Variants in SCAF8 observed in about 807,000 individuals in gnomAD.
The protein encoded by SCAF8 is SR-related and CTD-associated factor 8.
In SCAF8, 23 loss-of-function variants were observed where a neutral mutation model predicts 140.5. The observed-to-expected ratio is 0.16, with a 90% CI of 0.12 to 0.23. The LOEUF is 0.23. Among genes scored for constraint, SCAF8 ranks in the 10% least tolerant of loss-of-function variants. SCAF8 has a pLI of 1.00. For synonymous variants in SCAF8, 575 were observed against 528.9 expected, an observed-to-expected ratio of 1.09 and a Z score of -1.20; for missense variants, 1,397 against 1,555.7, an observed-to-expected ratio of 0.90 and a Z score of 1.72.
chr6:154,795,924 G>C (rs1001503164), intron 6 of SCAF8, among the ~76,000 whole-genome samples: 5 of 152,086 alleles, frequency 3.3e-5, no homozygotes, highest in African/African-American at 1.2e-4. Context: ...AAATTTCTTA[G>C]ATTTATTTCC....
chr6:154,733,724 G>A lies in SCAF8; in HGVS notation c.-177G>A. The A allele has an allele frequency of 1.5e-6, 2 of 1,324,764 alleles. No homozygotes were observed. Among genetic ancestry groups the A allele is most frequent in the South Asian group, 4.0e-5 (2 of 49,458 alleles). The allele number at this position is 1,324,764 out of a possible 1,614,324, so 82.1% of individuals were successfully genotyped here. On this transcript the variant is annotated 5_prime_UTR_variant, in exon 1 of 20. Transcript: ENST00000367178. ...CATGCCGGTGCCGCTCTGCCGCTGA[G>A]GGAGCCCTTCCCCGCCAGCGCGTGC...
chr6:154,761,040 G>A (rs976461329), intron 1 of SCAF8, among the ~76,000 whole-genome samples: 8 of 151,944 alleles, frequency 5.3e-5, no homozygotes, highest in Non-Finnish European at 7.4e-5. Context: ...GGCCTCAAGC[G>A]ATCCTCTCAC....
chr6:154,783,600 G>C (rs767446888), intron 3 of SCAF8, among the ~76,000 whole-genome samples: 32 of 152,306 alleles, frequency 2.1e-4, no homozygotes, highest in Admixed American at 1.3e-3. Context: ...ACTGTCTAGA[G>C]ATTATCATCA....
chr6:154,787,453 C>A (rs572060698), intron 3 of SCAF8, among the ~76,000 whole-genome samples: 2 of 152,304 alleles, frequency 1.3e-5, no homozygotes, highest in South Asian at 4.1e-4. Context: ...TTTTCATTTG[C>A]GTAGGAACCC....
At chr6:154,804,078 AT>A in intron 8 of SCAF8, among the ~76,000 whole-genome samples, 1 of 152,036 alleles carries the variant, frequency 6.6e-6, no homozygotes, top group East Asian at 1.9e-4. Flanking sequence ...TTTTTATTAA[AT>A]CAGTTACTTT....
At chr6:154,803,436 A>G in intron 7 of SCAF8, 108 bp from the exon 8 acceptor site, 1 of 750,774 alleles carries the variant, frequency 1.3e-6, no homozygotes, top group Non-Finnish European at 2.3e-6. Context: ...TTATTTACAC[A>G]TTAAATGATA....
chr6:154,740,290 T>C (rs1169185815), intron 1 of SCAF8, among the ~76,000 whole-genome samples: 1 of 152,204 alleles, frequency 6.6e-6, no homozygotes, highest in East Asian at 1.9e-4. Flanking sequence ...GTTTACAGCA[T>C]CCCTGGCCTC....
At chr6:154,818,417 C>CAT in intron 13 of SCAF8, 62 bp from the exon 14 acceptor site, 2 of 801,110 alleles carry the variant, frequency 2.5e-6, no homozygotes, top group Non-Finnish European at 4.0e-6. Flanking sequence ...TCATTTAAAC[C>CAT]ATAAAATACC....
chr6:154,766,669 C>CTT (rs56995922), intron 1 of SCAF8, among the ~76,000 whole-genome samples: 831 of 82,360 alleles, frequency 0.01, 27 homozygotes, highest in African/African-American at 0.033. Flanking sequence ...ACCCCCCCCC[C>CTT]TTTTTTTTTT....
chr6:154,768,994 C>T (rs990599126), intron 1 of SCAF8, among the ~76,000 whole-genome samples: 18 of 143,400 alleles, frequency 1.3e-4, no homozygotes, highest in East Asian at 2.0e-4. Context: ...ACCCAGGAGA[C>T]GGAGGTTGCA....
chr6:154,789,636 C>T (rs565114164), intron 4 of SCAF8, among the ~76,000 whole-genome samples: 2 of 150,726 alleles, frequency 1.3e-5, no homozygotes, highest in Non-Finnish European at 3.0e-5. Context: ...AACTCTGCCT[C>T]CCAGGTTCAC....
At chr6:154,764,322 A>G (rs1260771688) in intron 1 of SCAF8, among the ~76,000 whole-genome samples, 3 of 135,220 alleles carry the variant, frequency 2.2e-5, no homozygotes, top group South Asian at 2.3e-4. Context: ...TGTTTAGTAT[A>G]TTTTCATTGA....
chr6:154,782,451 G>T (rs1399976545), intron 3 of SCAF8, among the ~76,000 whole-genome samples: 1 of 151,398 alleles, frequency 6.6e-6, no homozygotes, highest in Non-Finnish European at 1.5e-5. Context: ...CAGAAAAAAT[G>T]GGGGCGGCAG....
intron 12 of SCAF8, among the ~76,000 whole-genome samples, chr6:154,813,814 A>G (rs1299245803): frequency 1.3e-5 from 2 of 152,130 alleles, no homozygotes; most frequent in African/African-American, 4.8e-5. Context: ...TGATAATGAA[A>G]GGAGAGAGAA....
intron 6 of SCAF8, among the ~76,000 whole-genome samples, chr6:154,801,490 G>A (rs2114897889): frequency 6.6e-6 from 1 of 151,506 alleles, no homozygotes; most frequent in Middle Eastern, 3.4e-3. Flanking sequence ...AACAAGAGTT[G>A]CCTTCAACTC....
chr6:154,832,226 G>A lies in SCAF8; in HGVS notation c.2647G>A (p.Val883Ile), dbSNP rs1778765802. 1 of 1,613,956 alleles carries A rather than the reference G, an allele frequency of 6.2e-7. No individual in the cohort carries two copies. The highest frequency in any genetic ancestry group is 1.7e-5 in the Admixed American group (1 of 60,006). ...PPNIPNNSGL[V>I]GVQPPNVPNT... ...AAATATACCTAACAATTCTGGACTT[G>A]TAGGAGTACAGCCACCAAATGTTCC... The change falls in exon 20 of 20, where the codon GTA (valine) becomes ATA (isoleucine). Residue 883 changes from valine (V) to isoleucine (I), a missense_variant. Val to Ile is a conservative substitution (Grantham distance 29). Around this residue, in one of 5 missense-constraint regions of SCAF8, gnomAD observed 930 missense variants for 874.6 expected, o/e 1.06. Transcript: ENST00000367178.
chr6:154,750,910 T>C (rs1778821303), intron 1 of SCAF8, among the ~76,000 whole-genome samples: 1 of 152,240 alleles, frequency 6.6e-6, no homozygotes, highest in Non-Finnish European at 1.5e-5. Flanking sequence ...ATTTCATTGT[T>C]AATAGTACTA....
At chr6:154,784,966 A>G (rs996716471) in intron 3 of SCAF8, among the ~76,000 whole-genome samples, 2 of 152,184 alleles carry the variant, frequency 1.3e-5, no homozygotes, top group Non-Finnish European at 2.9e-5. Flanking sequence ...CTTCCTAATC[A>G]TGTCTTGCAT....
chr6:154,751,513 C>G (rs1778837042), intron 1 of SCAF8, among the ~76,000 whole-genome samples: 1 of 152,114 alleles, frequency 6.6e-6, no homozygotes, highest in African/African-American at 2.4e-5. Context: ...CAAGCATGAG[C>G]CATCGCGCCC....
Sources: allele counts gnomAD v4.1 joint callset (sites outside exome capture counted in the v4.1 genomes callset), GRCh38; gene constraint gnomAD v4.1.1; regional missense constraint gnomAD v4.1.1; transcripts MANE v1.5; gene names NCBI Gene and HGNC (gene_info 2026-07-23, HGNC 2026-07-21).